CELF4: variants seen among roughly 807,000 people sequenced by gnomAD.
The protein encoded by CELF4 is CUG-BP- and ETR-3-like factor 4.
In CELF4, 18 loss-of-function variants were observed where a neutral mutation model predicts 59.9. The observed-to-expected ratio is 0.30, with a 90% CI of 0.21 to 0.45. CELF4 has a LOEUF of 0.45. CELF4 is among the 20% of genes least tolerant of loss of function. The pLI is 1.00. For missense variants in CELF4, 456 were observed against 689.0 expected (o/e 0.66, Z 3.79); for synonymous variants, 261 against 267.1 (o/e 0.98, Z 0.22).
chr18:37,563,103 T>C (rs1027709825), intron 1 of CELF4, among the ~76,000 whole-genome samples: 6 of 150,566 alleles, frequency 4.0e-5, no homozygotes, highest in Non-Finnish European at 8.9e-5. Context: ...GTATTACGTA[T>C]ATATTATATA....
intron 2 of CELF4, among the ~76,000 whole-genome samples, chr18:37,470,099 C>T (rs184129602): frequency 6.6e-6 from 1 of 152,292 alleles, no homozygotes; most frequent in Admixed American, 6.5e-5. Flanking sequence ...AAGGAGTTCG[C>T]TGAAGTCTTT....
intron 10 of CELF4, among the ~76,000 whole-genome samples, chr18:37,264,347 T>C (rs537143286): frequency 6.6e-6 from 1 of 152,240 alleles, no homozygotes; most frequent in Non-Finnish European, 1.5e-5. Flanking sequence ...ATATGTGAGC[T>C]CTGTGTCAGG....
intron 3 of CELF4, among the ~76,000 whole-genome samples, chr18:37,321,459 G>T (rs552596691): frequency 6.6e-6 from 1 of 152,188 alleles, no homozygotes; most frequent in East Asian, 1.9e-4. Context: ...CCTTCTAACT[G>T]CACAAGCCCC....
intron 10 of CELF4, 97 bp downstream of exon 10, chr18:37,264,577 C>G (rs2076492590): frequency 1.9e-6 from 2 of 1,037,898 alleles, no homozygotes; most frequent in Admixed American, 2.0e-5. Flanking sequence ...AACGTGGTCA[C>G]CTTTCCAACG....
At chr18:37,518,392 C>G (rs564327528) in intron 1 of CELF4, among the ~76,000 whole-genome samples, 1 of 152,304 alleles carries the variant, frequency 6.6e-6, no homozygotes, top group East Asian at 1.9e-4. Context: ...TGTTTATCCT[C>G]CCCTGAACGA....
chr18:37,513,194 C>A (rs1200863046), intron 1 of CELF4, among the ~76,000 whole-genome samples: 1 of 152,230 alleles, frequency 6.6e-6, no homozygotes, highest in African/African-American at 2.4e-5. Flanking sequence ...TTGTTCCCTG[C>A]CTCAATATGG....
chr18:37,421,748 C>T (rs900889641), intron 2 of CELF4, among the ~76,000 whole-genome samples: 2 of 152,216 alleles, frequency 1.3e-5, no homozygotes, highest in East Asian at 3.9e-4. Context: ...TGAGAGTGGG[C>T]TTGTGGAGCA....
chr18:37,321,713 C>T (rs140548128), intron 3 of CELF4, 90 bp downstream of exon 3: 104 of 902,160 alleles, frequency 1.2e-4, no homozygotes, highest in East Asian at 4.3e-4. Context: ...GAGGAGGAGG[C>T]GGGGAGTCGC....
intron 2 of CELF4, among the ~76,000 whole-genome samples, chr18:37,429,393 T>A (rs1042256360): frequency 6.6e-6 from 1 of 151,368 alleles, no homozygotes; most frequent in Admixed American, 6.6e-5. Context: ...CCTCTTTGTG[T>A]TTGCTGGTGT....
chr18:37,557,901 G>C (rs981459699), intron 1 of CELF4, among the ~76,000 whole-genome samples: 7 of 151,620 alleles, frequency 4.6e-5, no homozygotes, highest in African/African-American at 1.7e-4. Context: ...GCTCATGCTA[G>C]AGAAGAGATA....
chr18:37,441,063 C>T (rs2099711739), intron 2 of CELF4, among the ~76,000 whole-genome samples: 1 of 152,222 alleles, frequency 6.6e-6, no homozygotes, highest in Admixed American at 6.5e-5. Flanking sequence ...CTAGACCGTT[C>T]TTGCCTTGAG....
intron 1 of CELF4, among the ~76,000 whole-genome samples, chr18:37,487,616 C>G (rs1048978803): frequency 6.6e-6 from 1 of 152,134 alleles, no homozygotes; most frequent in Non-Finnish European, 1.5e-5. Flanking sequence ...CTGCTTCTCC[C>G]GGGGGCGTCT....
At chr18:37,279,031 CCCT>C (rs1157480769) in intron 3 of CELF4, among the ~76,000 whole-genome samples, 5 of 151,914 alleles carry the variant, frequency 3.3e-5, no homozygotes, top group African/African-American at 1.2e-4. Flanking sequence ...CCCGTGCCCA[CCCT>C]CCTCCTCCAT....
chr18:37,551,935 G>A (rs1372121444), intron 1 of CELF4, among the ~76,000 whole-genome samples: 2 of 152,184 alleles, frequency 1.3e-5, no homozygotes, highest in African/African-American at 4.8e-5. Flanking sequence ...TTCTAAGAAT[G>A]AGACTTCATT....
chr18:37,260,494 T>C (rs2154302591), intron 10 of CELF4, among the ~76,000 whole-genome samples: 1 of 152,230 alleles, frequency 6.6e-6, no homozygotes, highest in Admixed American at 6.5e-5. Flanking sequence ...AGAAGCAAGG[T>C]TCTGACCAGA....
intron 3 of CELF4, among the ~76,000 whole-genome samples, chr18:37,284,244 C>G (rs1248646891): frequency 6.6e-6 from 1 of 151,400 alleles, no homozygotes; most frequent in African/African-American, 2.4e-5. Flanking sequence ...CACATACACA[C>G]AGATACACCA....
chr18:37,530,202 C>T (rs1469136885), intron 1 of CELF4, among the ~76,000 whole-genome samples: 1 of 152,166 alleles, frequency 6.6e-6, no homozygotes. Context: ...TACACAGGTT[C>T]TTCATACAGG....
At chr18:37,382,623 A>T (rs2099053157) in intron 2 of CELF4, among the ~76,000 whole-genome samples, 1 of 152,194 alleles carries the variant, frequency 6.6e-6, no homozygotes, top group Non-Finnish European at 1.5e-5. Context: ...TGCCTTTTCT[A>T]TCCAGAACAA....
chr18:37,345,670 GGAA>G (rs894237976), intron 2 of CELF4, among the ~76,000 whole-genome samples: 19 of 152,166 alleles, frequency 1.2e-4, no homozygotes, highest in African/African-American at 4.3e-4. Flanking sequence ...CTCTGGGGGA[GGAA>G]GCTGCTGGTT....
Sources: allele counts gnomAD v4.1 joint callset (sites outside exome capture counted in the v4.1 genomes callset), GRCh38; gene constraint gnomAD v4.1.1; transcripts MANE v1.5; gene names NCBI Gene and HGNC (gene_info 2026-07-23, HGNC 2026-07-21).